Variants in GPHN observed in about 807,000 individuals in gnomAD.
The protein encoded by GPHN is gephyrin.
Under a neutral mutation model 95.5 loss-of-function variants are expected in GPHN, and 17 were observed. The observed-to-expected ratio is 0.18, with a 90% confidence interval of 0.12 to 0.27. The LOEUF (loss-of-function observed/expected upper bound fraction) is 0.27, where lower values mean the gene tolerates loss of function less well. Ranked by LOEUF, GPHN falls within the 10% of genes least tolerant of loss-of-function variation. The pLI is 1.00. For synonymous variants in GPHN, 320 were observed against 322.5 expected (o/e 0.99, Z 0.08); for missense variants, 660 against 978.1 (o/e 0.67, Z 4.34).
At chr14:67,560,081 T>C in the GPHN span, among the ~76,000 whole-genome samples, 1 of 152,126 alleles carries the variant, frequency 6.6e-6, no homozygotes, top group Non-Finnish European at 1.5e-5. Flanking sequence ...GGCTGGAGTG[T>C]AGTGGCGCAA....
intron 1 of GPHN, among the ~76,000 whole-genome samples, chr14:66,596,297 A>G (rs1002821442): frequency 7.2e-5 from 11 of 152,200 alleles, no homozygotes; most frequent in East Asian, 5.8e-4. Flanking sequence ...AGTCCATGGC[A>G]CTGGCAGTCC....
At chr14:67,202,364 C>T in the GPHN span, among the ~76,000 whole-genome samples, 1 of 152,126 alleles carries the variant, frequency 6.6e-6, no homozygotes, top group Non-Finnish European at 1.5e-5. Context: ...TCATTTGAAC[C>T]TGGGAGGCAG....
At chr14:67,300,897 G>A in the GPHN span, among the ~76,000 whole-genome samples, 2 of 151,574 alleles carry the variant, frequency 1.3e-5, no homozygotes, top group Admixed American at 6.6e-5. Context: ...TCACTGTGTT[G>A]CCCAGGCTGG....
At chr14:66,612,237 A>AT (rs1036337686) in intron 1 of GPHN, among the ~76,000 whole-genome samples, 5 of 151,174 alleles carry the variant, frequency 3.3e-5, no homozygotes, top group South Asian at 2.1e-4. Flanking sequence ...TGCTTTTATT[A>AT]TTTTTTTTAA....
chr14:67,639,380 CGTTA>C, the GPHN span, among the ~76,000 whole-genome samples: 1 of 152,074 alleles, frequency 6.6e-6, no homozygotes, highest in Non-Finnish European at 1.5e-5. Flanking sequence ...AGTTCTGAAA[CGTTA>C]GTTAATATTA....
At chr14:67,124,260 G>A (rs2079173340) in intron 17 of GPHN, among the ~76,000 whole-genome samples, 1 of 151,970 alleles carries the variant, frequency 6.6e-6, no homozygotes. Context: ...ATGAAAATTA[G>A]CTGGGGGTAG....
Position 66,922,788 on chromosome 14 carries a change from T to A in GPHN, c.579T>A (p.Leu193=). The A allele has an allele frequency of 6.2e-7, 1 of 1,613,642 alleles. No homozygotes were observed. Among genetic ancestry groups the A allele is most frequent in the East Asian group, 2.2e-5 (1 of 44,876 alleles). ...LEDLPSPPPP[L]SPPPTTSPHK... ...ATTTGCCTTCCCCACCTCCCCCTCT[T>A]TCCCCTCCTCCTACTACCAGCCCCC... Residue 193 remains leucine, a synonymous_variant, in exon 7 of 23, where the codon CTT becomes CTA. Transcript: ENST00000478722.
At chr14:66,690,488 A>G (rs1452821827) in intron 2 of GPHN, among the ~76,000 whole-genome samples, 1 of 152,152 alleles carries the variant, frequency 6.6e-6, no homozygotes, top group Non-Finnish European at 1.5e-5. Context: ...GCTGATGAAA[A>G]GTATGTGTAT....
At chr14:67,446,754 T>C in the GPHN span, among the ~76,000 whole-genome samples, 1 of 152,310 alleles carries the variant, frequency 6.6e-6, no homozygotes, top group Middle Eastern at 3.4e-3. Context: ...GGGCTGAAGC[T>C]AACAGGGTTA....
chr14:66,900,428 CTT>C (rs1378666463), intron 5 of GPHN, among the ~76,000 whole-genome samples: 1 of 150,776 alleles, frequency 6.6e-6, no homozygotes, highest in African/African-American at 2.4e-5. Flanking sequence ...CTTAATGTAT[CTT>C]TTTATTTTTT....
chr14:66,722,432 G>T (rs1182756380), intron 2 of GPHN, among the ~76,000 whole-genome samples: 1 of 122,924 alleles, frequency 8.1e-6, no homozygotes, highest in Admixed American at 8.3e-5. Flanking sequence ...TAATACTAAG[G>T]CTTTGTTTGT....
chr14:67,201,209 G>A, the GPHN span, among the ~76,000 whole-genome samples: 1 of 152,176 alleles, frequency 6.6e-6, no homozygotes, highest in Non-Finnish European at 1.5e-5. Flanking sequence ...AGGGAGGATT[G>A]CTTAAGCCCA....
chr14:66,623,427 CAAAGCTG>C (rs2063389170), intron 1 of GPHN, among the ~76,000 whole-genome samples: 1 of 151,894 alleles, frequency 6.6e-6, no homozygotes, highest in South Asian at 2.1e-4. Context: ...ACTGGCTGCT[CAAAGCTG>C]AAAGCAAATA....
intron 21 of GPHN, among the ~76,000 whole-genome samples, chr14:67,172,780 G>A (rs1182404075): frequency 2.6e-5 from 4 of 152,136 alleles, no homozygotes; most frequent in Non-Finnish European, 4.4e-5. Flanking sequence ...CCAAATGACA[G>A]CAGTGCTCCA....
At chr14:66,572,501 TGTGTG>T (rs1378669868) in intron 1 of GPHN, among the ~76,000 whole-genome samples, 36 of 152,192 alleles carry the variant, frequency 2.4e-4, no homozygotes, top group Admixed American at 2.0e-3. Flanking sequence ...TGTGTGTGTG[TGTGTG>T]TATACGTCTG....
At chr14:66,514,661 T>C (rs1205297902) in intron 1 of GPHN, among the ~76,000 whole-genome samples, 1 of 152,044 alleles carries the variant, frequency 6.6e-6, no homozygotes, top group Non-Finnish European at 1.5e-5. Flanking sequence ...AATAGAATAA[T>C]GATCAAAGAA....
At chr14:67,301,416 C>T in the GPHN span, 3 of 1,609,912 alleles carry the variant, frequency 1.9e-6, no homozygotes, top group South Asian at 1.1e-5. Flanking sequence ...GCCAGTTCAT[C>T]ATAAGGAAGG....
the GPHN span, among the ~76,000 whole-genome samples, chr14:67,401,396 A>G: frequency 0.28 from 42,004 of 151,776 alleles, 8,806 homozygotes; most frequent in African/African-American, 0.54. Flanking sequence ...CCTGTAGTCC[A>G]AGCTACTTGG....
At chr14:67,321,230 A>G in the GPHN span, 1 of 1,614,234 alleles carries the variant, frequency 6.2e-7, no homozygotes, top group Non-Finnish European at 8.5e-7. Context: ...CAACTCTGGC[A>G]AAATATGTCT....
Sources: allele counts gnomAD v4.1 joint callset (sites outside exome capture counted in the v4.1 genomes callset), GRCh38; gene constraint gnomAD v4.1.1; transcripts MANE v1.5; gene names NCBI Gene and HGNC (gene_info 2026-07-23, HGNC 2026-07-21).